CCN5: variants seen among roughly 807,000 people sequenced by gnomAD.
The protein encoded by CCN5 is CCN family member 5.
CCN5 carries 17 observed loss-of-function variants against 18.7 expected under a neutral mutation model. The ratio of observed to expected loss-of-function variants is 0.91; its 90% CI spans 0.62 to 1.36. The LOEUF (loss-of-function observed/expected upper bound fraction) is 1.36, where lower values mean the gene tolerates loss of function less well. CCN5 is among the 40% of genes most tolerant of loss of function. The probability of loss-of-function intolerance (pLI) is 0.00; values close to 1 mark genes in which losing one functional copy is unlikely to be tolerated. For synonymous variants in CCN5, 135 were observed against 145.2 expected, an observed-to-expected ratio of 0.93 and a Z score of 0.50; for missense variants, 367 against 342.9, an observed-to-expected ratio of 1.07 and a Z score of -0.56.
In CCN5 at chr20:44,720,104, C is replaced by T; in HGVS notation, c.268C>T (p.Leu90=). The T allele has an allele frequency of 6.5e-7, 1 of 1,547,440 alleles. No individual in the cohort carries two copies. The change falls in exon 2 of 4, where the codon CTG becomes TTG. Residue 90 remains leucine, a synonymous_variant. Coordinates refer to ENST00000190983, the MANE Select transcript of CCN5 (RefSeq NM_003881.4). The part of the protein sequence containing the change: ...PGAGPGGRGA[L]CLLAEDDSSC... The stretch of plus-strand genomic sequence containing the variant: ...GGCAGGACCCGGTGGCCGGGGGGCC[C>T]TGTGCCTCTGTAAGCAGGTTTGCAG...
chr20:44,726,320 GT>G (rs1252902975), intron 3 of CCN5, among the ~76,000 whole-genome samples: 3 of 152,036 alleles, frequency 2.0e-5, no homozygotes, highest in African/African-American at 7.3e-5. Flanking sequence ...TCAACTAAGT[GT>G]GTCCCTATGC....
intron 2 of CCN5, among the ~76,000 whole-genome samples, chr20:44,722,842 C>T (rs143596821): frequency 3.2e-4 from 48 of 152,188 alleles, no homozygotes; most frequent in Middle Eastern, 6.8e-3. Flanking sequence ...TTCCAGCATC[C>T]GACACTCCCA....
upstream of CCN5, chr20:44,715,252 TGTGTGTGTGAGCGC>T (rs1270627199): frequency 5.8e-6 from 3 of 518,270 alleles, no homozygotes; most frequent in Admixed American, 2.8e-5. Context: ...TGTGTGTGTG[TGTGTGTGTGAGCGC>T]GCGCGCGCGC....
chr20:44,716,699 A>T (rs1348482930), intron 1 of CCN5: 2 of 152,302 alleles, frequency 1.3e-5, no homozygotes, highest in Non-Finnish European at 2.9e-5. Context: ...CAACATGGAA[A>T]GCCACAGCAA....
At chr20:44,715,597 C>A in intron 1 of CCN5, 147 bp downstream of exon 1, 1 of 874,354 alleles carries the variant, frequency 1.1e-6, no homozygotes, top group Non-Finnish European at 1.8e-6. Flanking sequence ...CTAAGCAGGG[C>A]TTCTCTCCCT....
rs924820403 is a variant in CCN5, at chr20:44,727,189, T to C, written c.635T>C (p.Met212Thr). ...TGCTCGACCACCTGTGGGCTGGGCA[T>C]GGCCACCCGGGTGTCCAACCAGAAC... Reference protein sequence around the residue: ...GPCSTTCGLGMATRVSNQNRF... With the variant: ...GPCSTTCGLGTATRVSNQNRF... The change falls in exon 4 of 4, where the codon ATG becomes ACG. Residue 212 changes from methionine to threonine, a missense_variant. Physicochemically the swap from Met to Thr is moderately conservative, Grantham distance 81 (BLOSUM62 -1). Transcript: ENST00000190983. 3.1e-6 allele frequency: 5 copies of C among 1,613,926 alleles called. No individual in the cohort carries two copies. Among genetic ancestry groups the C allele is most frequent in the Admixed American group, 3.3e-5 (2 of 60,030 alleles).
chr20:44,715,270 CGCGCGCGCGCGTGTGTACTCGT>C, upstream of CCN5: 12 of 712,482 alleles, frequency 1.7e-5, no homozygotes, highest in Middle Eastern at 3.8e-4. Context: ...TGAGCGCGCG[CGCGCGCGCGCGTGTGTACTCGT>C]GCGTGTGCCT....
intron 1 of CCN5, among the ~76,000 whole-genome samples, chr20:44,718,780 C>G (rs1302110778): frequency 2.0e-5 from 3 of 152,196 alleles, no homozygotes; most frequent in African/African-American, 2.4e-5. Context: ...CTCAGTTTCC[C>G]CATCCGTACC....
At chr20:44,720,148 G>A (rs1390003564) in intron 2 of CCN5, 35 bp downstream of exon 2, 3 of 1,532,834 alleles carry the variant, frequency 2.0e-6, no homozygotes, top group Non-Finnish European at 2.6e-6. Context: ...GGGGGCGGGT[G>A]TGAGCGGGAG....
chr20:44,722,579 G>A (rs888888918), intron 2 of CCN5, among the ~76,000 whole-genome samples: 6 of 149,204 alleles, frequency 4.0e-5, no homozygotes, highest in South Asian at 2.1e-4. Flanking sequence ...CGATTCTCAC[G>A]CCTCAGCCTC....
At chr20:44,716,139 G>A (rs1462974954) in intron 1 of CCN5, among the ~76,000 whole-genome samples, 1 of 152,188 alleles carries the variant, frequency 6.6e-6, no homozygotes, top group Non-Finnish European at 1.5e-5. Context: ...GAAAGGGTAA[G>A]CAACTTGCCC....
intron 1 of CCN5, among the ~76,000 whole-genome samples, chr20:44,719,398 TA>T (rs1253674517): frequency 1.3e-5 from 2 of 152,332 alleles, no homozygotes; most frequent in South Asian, 2.1e-4. Flanking sequence ...CTCATGCCTA[TA>T]ATCCCAGCAC....
At chr20:44,719,788 C>A (rs2065884445) in intron 1 of CCN5, 109 bp from the exon 2 acceptor site, 5 of 1,168,720 alleles carry the variant, frequency 4.3e-6, no homozygotes, top group Non-Finnish European at 6.0e-6. Context: ...GGCTCTGAGG[C>A]TAAGGTGTGG....
intron 1 of CCN5, among the ~76,000 whole-genome samples, chr20:44,717,910 GA>G (rs1315247828): frequency 3.3e-5 from 5 of 151,010 alleles, no homozygotes; most frequent in African/African-American, 1.2e-4. Flanking sequence ...GAAAGAAAAA[GA>G]AAAGAAAATG....
At chr20:44,717,828 G>A (rs1343034624) in intron 1 of CCN5, among the ~76,000 whole-genome samples, 3 of 149,780 alleles carry the variant, frequency 2.0e-5, no homozygotes, top group Non-Finnish European at 3.0e-5. Context: ...GCAGTGAGTC[G>A]AGATCGTGCC....
At chr20:44,718,584 G>A (rs920861902) in intron 1 of CCN5, among the ~76,000 whole-genome samples, 1 of 152,142 alleles carries the variant, frequency 6.6e-6, no homozygotes, top group Non-Finnish European at 1.5e-5. Context: ...TGTGGGTGGC[G>A]AGGGTCAGGC....
intron 1 of CCN5, among the ~76,000 whole-genome samples, chr20:44,718,335 G>T (rs899411469): frequency 6.6e-6 from 1 of 152,150 alleles, no homozygotes; most frequent in African/African-American, 2.4e-5. Context: ...AGGGGTCATT[G>T]CCTGCTTTGG....
At chr20:44,716,687 C>T (rs551865037) in intron 1 of CCN5, 20 of 152,364 alleles carry the variant, frequency 1.3e-4, no homozygotes, top group African/African-American at 4.6e-4. Context: ...ACTTAGTCAC[C>T]ACAACATGGA....
intron 2 of CCN5, 177 bp downstream of exon 2, chr20:44,720,290 C>A: frequency 1.5e-6 from 1 of 675,784 alleles, no homozygotes; most frequent in South Asian, 1.8e-5. Context: ...CCTCCTCTCC[C>A]TTCTTGGCCT....
Sources: allele counts gnomAD v4.1 joint callset (sites outside exome capture counted in the v4.1 genomes callset), GRCh38; gene constraint gnomAD v4.1.1; transcripts MANE v1.5; gene names NCBI Gene and HGNC (gene_info 2026-07-23, HGNC 2026-07-21).